CHST4: variants seen among roughly 807,000 people sequenced by gnomAD.
The protein encoded by CHST4 is GST-3.
For synonymous variants in CHST4, 171 were observed against 195.5 expected, an observed-to-expected ratio of 0.87 and a Z score of 1.05; for missense variants, 466 against 506.0, an observed-to-expected ratio of 0.92 and a Z score of 0.76.
At position 71,537,458 on chromosome 16, in the gene CHST4, C is replaced by G. The variant is rs1209906705; in HGVS notation, c.781C>G (p.Gln261Glu). The G allele has an allele frequency of 6.2e-7, 1 of 1,614,204 alleles. No homozygotes were observed. The highest frequency in any genetic ancestry group is 1.7e-5 in the Admixed American group (1 of 60,030). The change falls in exon 2 of 2, where the codon CAG (glutamine) becomes GAG (glutamate). Residue 261 changes from glutamine to glutamate, a missense_variant. Gln to Glu is a conservative substitution (Grantham distance 29). Coordinates refer to ENST00000539698, the MANE Select transcript of CHST4 (RefSeq NM_001166395.2). The surrounding 1 kb of genome is among the most constrained non-coding windows in gnomAD (Gnocchi z 4.2). ...QSQLEIYKTI[Q>E]SLPKALQERY... ...CCAGCTGGAGATCTACAAGACCATC[C>G]AGTCCTTGCCCAAGGCCCTGCAGGA...
intron 1 of CHST4, among the ~76,000 whole-genome samples, chr16:71,530,767 C>T (rs1375216725): frequency 6.7e-6 from 1 of 149,656 alleles, no homozygotes; most frequent in Non-Finnish European, 1.5e-5. Context: ...GAGTGAGACC[C>T]CCGACTCTAA....
Position 71,537,104 on chromosome 16 carries a change from C to G in CHST4, c.427C>G (p.Gln143Glu). The G allele has an allele frequency of 6.2e-7, 1 of 1,614,182 alleles. No individual in the cohort carries two copies. Among genetic ancestry groups the G allele is most frequent in the Non-Finnish European group, 8.5e-7 (1 of 1,180,036 alleles). ...TGCACCTGCCTGTGACATCATCCCA[C>G]AAGATGAAATCATCCCCCGGGCTCA... ...CSAPACDIIP[Q>E]DEIIPRAHCR... The change falls in exon 2 of 2, where the codon CAA becomes GAA. Residue 143 changes from glutamine (Q) to glutamate (E), a missense_variant. By Grantham distance (29) the Gln-to-Glu change is conservative (BLOSUM62 2). Coordinates refer to ENST00000539698, the MANE Select transcript of CHST4 (RefSeq NM_001166395.2). The surrounding 1 kb of genome is among the most constrained non-coding windows in gnomAD (Gnocchi z 4.2).
intron 1 of CHST4, 93 bp from the exon 2 acceptor site, chr16:71,536,567 G>C (rs957313813): frequency 1.2e-6 from 1 of 850,790 alleles, no homozygotes; most frequent in African/African-American, 1.7e-5. Flanking sequence ...CTTGGTAGGG[G>C]GTCAGAGAGC....
At chr16:71,535,839 G>A (rs2043983154) in intron 1 of CHST4, among the ~76,000 whole-genome samples, 1 of 152,170 alleles carries the variant, frequency 6.6e-6, no homozygotes, top group African/African-American at 2.4e-5. Flanking sequence ...ATACAAGGTC[G>A]ACATTGGATC....
chr16:71,537,059 A>G lies in CHST4; in HGVS notation c.382A>G (p.Asn128Asp). The change falls in exon 2 of 2, where the codon AAC (asparagine) becomes GAC (aspartate). Residue 128 changes from asparagine to aspartate, a missense_variant. By Grantham distance (23) the Asn-to-Asp change is conservative (BLOSUM62 1). Transcript: ENST00000539698. The surrounding 1 kb of genome is among the most constrained non-coding windows in gnomAD (Gnocchi z 4.2). The part of the protein sequence containing the change: ...RRQSSLFQWE[N>D]SRALCSAPAC... Reference sequence around the variant, plus strand: ...ACAGTCCAGCCTCTTTCAGTGGGAGAACAGCCGGGCCCTGTGTTCTGCACC... The same window carrying G: ...ACAGTCCAGCCTCTTTCAGTGGGAGGACAGCCGGGCCCTGTGTTCTGCACC... The G allele has an allele frequency of 1.2e-6, 2 of 1,614,028 alleles. No individual in the cohort carries two copies. The highest frequency in any genetic ancestry group is 1.7e-6 in the Non-Finnish European group (2 of 1,180,008).
rs185532557 is a variant in CHST4 at position 71,532,315 on chromosome 16, G to A, written c.-18-4345G>A. ...ACCCACCTTGGCCTCCCAAAGTGCT[G>A]GGATTACAGACGTGAGCCACCATGC... On this transcript the variant is annotated intron_variant, in intron 1 of 1. Coordinates refer to ENST00000539698, the MANE Select transcript of CHST4 (RefSeq NM_001166395.2). Among the ~76,000 whole-genome samples the A allele has an allele frequency of 2.5e-3, 381 of 152,226 alleles. 1 individual carries two copies. Among genetic ancestry groups the A allele is most frequent in the African/African-American group, 8.5e-3 (351 of 41,534 alleles).
At chr16:71,533,662 G>A (rs1465457965) in intron 1 of CHST4, among the ~76,000 whole-genome samples, 3 of 152,054 alleles carry the variant, frequency 2.0e-5, no homozygotes, top group Admixed American at 2.0e-4. Context: ...TTAAAGATAT[G>A]TCATTACCCA....
At chr16:71,526,817 G>A (rs899975467) in intron 1 of CHST4, among the ~76,000 whole-genome samples, 3 of 152,138 alleles carry the variant, frequency 2.0e-5, no homozygotes, top group African/African-American at 7.2e-5. Flanking sequence ...TGGCTTTGGA[G>A]CTCAAATTTC....
intron 1 of CHST4, among the ~76,000 whole-genome samples, chr16:71,532,197 G>A (rs1408931442): frequency 2.0e-5 from 3 of 151,942 alleles, no homozygotes; most frequent in Admixed American, 6.6e-5. Flanking sequence ...ATAGGTGCCC[G>A]CCACCACGCC....
chr16:71,537,537 C>A lies in CHST4; in HGVS notation c.860C>A (p.Thr287Asn). 6.2e-7 allele frequency: 1 copy of A among 1,614,212 alleles called. No homozygotes were observed. The highest frequency in any genetic ancestry group is 8.5e-7 in the Non-Finnish European group (1 of 1,180,034). The change falls in exon 2 of 2, where the codon ACT becomes AAT. Residue 287 changes from threonine (T) to asparagine (N), a missense_variant. Transcript: ENST00000539698. The surrounding 1 kb of genome is among the most constrained non-coding windows in gnomAD (Gnocchi z 4.2). ...EDLARAPVAQ[T>N]SRMYEFVGLE... ...CTGGCTCGAGCCCCTGTGGCCCAGACTTCCCGAATGTATGAATTCGTGGGA... is the reference window on the plus strand; with the variant it reads ...CTGGCTCGAGCCCCTGTGGCCCAGAATTCCCGAATGTATGAATTCGTGGGA...
At chr16:71,529,007 G>A (rs1057210525) in intron 1 of CHST4, among the ~76,000 whole-genome samples, 7 of 151,910 alleles carry the variant, frequency 4.6e-5, no homozygotes, top group Non-Finnish European at 1.0e-4. Flanking sequence ...AGATGATACC[G>A]TTCACCCATC....
chr16:71,530,803 AGGCGTGGT>A (rs2043942993), intron 1 of CHST4, among the ~76,000 whole-genome samples: 1 of 151,874 alleles, frequency 6.6e-6, no homozygotes, highest in Non-Finnish European at 1.5e-5. Flanking sequence ...ATTTTGGGCC[AGGCGTGGT>A]GGCTCACACC....
Position 71,537,327 on chromosome 16 carries a change from C to G in CHST4, c.650C>G (p.Thr217Arg). Residue 217 changes from threonine to arginine, a missense_variant, in exon 2 of 2, where the codon ACA (threonine) becomes AGA (arginine). Thr to Arg is a moderately conservative substitution (Grantham distance 71, BLOSUM62 -1). Transcript: ENST00000539698. This position sits in a 1 kb window ranked among gnomAD's most constrained non-coding sequence, Gnocchi z 4.2. ...PRAVFRSRER[T>R]KGDLMIDSRI... ...GCCGTGTTCCGTTCCCGAGAACGCA[C>G]AAAGGGAGATCTCATGATTGACAGT... 6.2e-7 allele frequency: 1 copy of G among 1,614,178 alleles called. No homozygotes were observed. The highest frequency in any genetic ancestry group is 2.2e-5 in the East Asian group (1 of 44,878).
At position 71,537,391 on chromosome 16, in the gene CHST4, G is replaced by A. The variant is rs1218580518; in HGVS notation, c.714G>A (p.Lys238=). The A allele has an allele frequency of 6.2e-7, 1 of 1,614,136 alleles. No individual in the cohort carries two copies. Among genetic ancestry groups the A allele is most frequent in the Non-Finnish European group, 8.5e-7 (1 of 1,180,032 alleles). Residue 238 remains lysine, a synonymous_variant, in exon 2 of 2, where the codon AAG becomes AAA. Transcript: ENST00000539698. This position sits in a 1 kb window ranked among gnomAD's most constrained non-coding sequence, Gnocchi z 4.2. ...VMGQHEQKLK[K]EDQPYYVMQV... is the part of the protein sequence containing the mutation. ...GGCAGCATGAGCAAAAACTCAAGAA[G>A]GAGGACCAACCCTACTATGTGATGC...
In CHST4 at chr16:71,536,767, C is replaced by T. The variant is rs747254342; in HGVS notation, c.90C>T (p.Asn30=). 6.6e-7 allele frequency: 1 copy of T among 1,513,596 alleles called. No homozygotes were observed. Among genetic ancestry groups the T allele is most frequent in the Non-Finnish European group, 8.8e-7 (1 of 1,131,756 alleles). The allele number at this position is 1,513,596 out of a possible 1,614,324, so 93.8% of individuals were successfully genotyped here. A position where few individuals can be genotyped will look rare whatever the true frequency, so the allele number is the denominator to read the frequency against. Residue 30 remains asparagine (N), a synonymous_variant, in exon 2 of 2, where the codon AAC becomes AAT. Transcript: ENST00000539698. ...TATTCTTCCACATGTACAGCCACAACATCAGCTCCCTGTCTATGAAGGCAC... is the reference window on the plus strand; with the variant it reads ...TATTCTTCCACATGTACAGCCACAATATCAGCTCCCTGTCTATGAAGGCAC... ...LALFFHMYSH[N]ISSLSMKAQP...
chr16:71,537,385 C>T lies in CHST4; in HGVS notation c.708C>T (p.Leu236=). 6.2e-7 allele frequency: 1 copy of T among 1,614,146 alleles called. No homozygotes were observed. The highest frequency in any genetic ancestry group is 8.5e-7 in the Non-Finnish European group (1 of 1,180,020). ...RIVMGQHEQK[L]KKEDQPYYVM... ...TGATGGGGCAGCATGAGCAAAAACT[C>T]AAGAAGGAGGACCAACCCTACTATG... The change falls in exon 2 of 2, where the codon CTC becomes CTT. Residue 236 remains leucine (L), a synonymous_variant. Coordinates refer to ENST00000539698, the MANE Select transcript of CHST4 (RefSeq NM_001166395.2). The surrounding 1 kb of genome is among the most constrained non-coding windows in gnomAD (Gnocchi z 4.2).
Position 71,538,078 on chromosome 16 carries a change from T to G in CHST4, c.*240T>G, listed in dbSNP as rs1016442691. The stretch of plus-strand genomic sequence containing the variant: ...CCACCAGTGAAACAGGGTATTGCTC[T>G]TCTTCTTTTCTTGATCTTCCTGTCT... On this transcript the variant is annotated 3_prime_UTR_variant, in exon 2 of 2. Coordinates refer to ENST00000539698, the MANE Select transcript of CHST4 (RefSeq NM_001166395.2). 1.9e-5 allele frequency: 10 copies of G among 535,928 alleles called. No homozygotes were observed. The Admixed American group carries it at 2.2e-4, about 12-fold the overall frequency. 33.2% of individuals were successfully genotyped at this position (535,928 alleles called of 1,614,324 possible). A position where few individuals can be genotyped will look rare whatever the true frequency, so the allele number is the denominator to read the frequency against.
rs373562710 is a variant in CHST4 at position 71,537,324 on chromosome 16, G to C, written c.647G>C (p.Arg216Pro). ...DPRAVFRSRE[R>P]TKGDLMIDSR... ...CGGGCCGTGTTCCGTTCCCGAGAACGCACAAAGGGAGATCTCATGATTGAC... is the reference window on the plus strand; with the variant it reads ...CGGGCCGTGTTCCGTTCCCGAGAACCCACAAAGGGAGATCTCATGATTGAC... Residue 216 changes from arginine to proline, a missense_variant, in exon 2 of 2, where the codon CGC (arginine) becomes CCC (proline). Physicochemically the swap from Arg to Pro is moderately radical, Grantham distance 103. Coordinates refer to ENST00000539698, the MANE Select transcript of CHST4 (RefSeq NM_001166395.2). The surrounding 1 kb of genome is among the most constrained non-coding windows in gnomAD (Gnocchi z 4.2). The C allele has an allele frequency of 6.2e-7, 1 of 1,614,182 alleles. No individual in the cohort carries two copies. The highest frequency in any genetic ancestry group is 2.2e-5 in the East Asian group (1 of 44,880).
chr16:71,529,255 G>T (rs1339217569), intron 1 of CHST4, among the ~76,000 whole-genome samples: 1 of 151,968 alleles, frequency 6.6e-6, no homozygotes, highest in Non-Finnish European at 1.5e-5. Flanking sequence ...TTCCCTCCTG[G>T]TTTTAATTAA....
Sources: gnomAD v4.1 joint callset for allele counts (sites outside exome capture counted in the v4.1 genomes callset) on GRCh38, gnomAD v4.1.1 for gene constraint, Gnocchi (gnomAD v3.1) non-coding constraint, MANE v1.5 for transcripts, NCBI Gene and HGNC (gene_info 2026-07-23, HGNC 2026-07-21) for gene names.